GADL1: variants seen among roughly 807,000 people sequenced by gnomAD.
The protein encoded by GADL1 is GAD like acidic amino acid decarboxylase 1.
A neutral mutation model predicts 69.5 loss-of-function variants in GADL1; 71 were observed. The ratio of observed to expected loss-of-function variants is 1.02; its 90% confidence interval spans 0.84 to 1.25. The LOEUF is 1.25. GADL1 is among the 50% of genes most tolerant of loss of function. The probability of loss-of-function intolerance (pLI) is 0.00; values close to 1 mark genes in which losing one functional copy is unlikely to be tolerated. For synonymous variants in GADL1, 254 were observed against 214.4 expected, an observed-to-expected ratio of 1.18 and a Z score of -1.62; for missense variants, 737 against 631.8, an observed-to-expected ratio of 1.17 and a Z score of -1.79.
At chr3:30,825,910 G>GC (rs1374393424) in intron 11 of GADL1, among the ~76,000 whole-genome samples, 1 of 151,892 alleles carries the variant, frequency 6.6e-6, no homozygotes, top group Non-Finnish European at 1.5e-5. Context: ...TGCATGCTTA[G>GC]CACATGTATC....
intron 14 of GADL1, among the ~76,000 whole-genome samples, chr3:30,759,961 C>T (rs747196264): frequency 1.3e-4 from 20 of 152,190 alleles, no homozygotes; most frequent in Non-Finnish European, 2.4e-4. Flanking sequence ...GAAAGATTCA[C>T]GGAGCCACAG....
intron 3 of GADL1, among the ~76,000 whole-genome samples, chr3:30,855,282 C>T (rs1382091405): frequency 2.0e-5 from 3 of 152,022 alleles, no homozygotes; most frequent in South Asian, 2.1e-4. Context: ...GATTTACTTG[C>T]TCCTCTTTTT....
intron 1 of GADL1, among the ~76,000 whole-genome samples, 172 bp downstream of exon 1, chr3:30,894,406 C>T (rs1023739667): frequency 7.9e-5 from 12 of 152,196 alleles, no homozygotes; most frequent in African/African-American, 2.7e-4. Context: ...AAATAATAAC[C>T]TTTTAGGTAC....
At chr3:30,774,659 C>T (rs868529507) in intron 14 of GADL1, among the ~76,000 whole-genome samples, 2 of 152,096 alleles carry the variant, frequency 1.3e-5, no homozygotes, top group Non-Finnish European at 2.9e-5. Flanking sequence ...TAAACTTTCT[C>T]TTTCATATTG....
In GADL1 at chr3:30,816,537, T is replaced by TAA. The variant is rs1559507842; in HGVS notation, c.1051-15450_1051-15449insTT. On this transcript the variant is annotated intron_variant, in intron 11 of 14. Transcript: ENST00000282538. ...ATATTCTTAATTTGTTTTCTTTTTT[T>TAA]TTTTTTTTTTTTTTTTTTTTTTTTT... Among the ~76,000 whole-genome samples, 101 of 52,544 alleles carry TAA rather than the reference T, an allele frequency of 1.9e-3. 4 individuals are homozygous for TAA. The highest frequency in any genetic ancestry group is 7.8e-3 in the African/African-American group (85 of 10,926). The allele number at this position is 52,544 out of a possible 152,430, so 34.5% of individuals were successfully genotyped here. A position where few individuals can be genotyped will look rare whatever the true frequency, so the allele number is the denominator to read the frequency against.
intron 14 of GADL1, among the ~76,000 whole-genome samples, chr3:30,733,586 C>CTCCTTCCT (rs60344210): frequency 0.11 from 14,047 of 133,392 alleles, 847 homozygotes; most frequent in East Asian, 0.11. Flanking sequence ...TTTTCCTTTT[C>CTCCTTCCT]TCCTTCCTTC....
intron 4 of GADL1, among the ~76,000 whole-genome samples, chr3:30,853,828 C>T (rs1045966282): frequency 1.3e-5 from 2 of 152,114 alleles, no homozygotes; most frequent in Non-Finnish European, 2.9e-5. Flanking sequence ...CCTCTCTCAC[C>T]CGACTAAAGT....
chr3:30,879,493 T>G (rs1345302173), intron 1 of GADL1, among the ~76,000 whole-genome samples: 14 of 151,896 alleles, frequency 9.2e-5, no homozygotes, highest in African/African-American at 3.4e-4. Context: ...TTGGCTTTGA[T>G]AAGTCTGCAA....
chr3:30,853,779 C>T (rs558567270), intron 4 of GADL1, among the ~76,000 whole-genome samples: 39 of 152,162 alleles, frequency 2.6e-4, no homozygotes, highest in African/African-American at 8.4e-4. Flanking sequence ...TTCTTTCCCG[C>T]TCTATTCCTA....
chr3:30,893,135 C>T (rs1488580238), intron 1 of GADL1, among the ~76,000 whole-genome samples: 2 of 152,228 alleles, frequency 1.3e-5, no homozygotes, highest in Non-Finnish European at 1.5e-5. Context: ...GGATTATAGG[C>T]GTGAGCCATC....
intron 1 of GADL1, among the ~76,000 whole-genome samples, chr3:30,874,238 T>G (rs762245051): frequency 2.0e-5 from 3 of 151,946 alleles, no homozygotes; most frequent in Non-Finnish European, 4.4e-5. Flanking sequence ...AAATTGTAGC[T>G]TCCTGGGAGT....
intron 14 of GADL1, among the ~76,000 whole-genome samples, chr3:30,754,100 G>T (rs1403211305): frequency 6.6e-6 from 1 of 152,178 alleles, no homozygotes; most frequent in Non-Finnish European, 1.5e-5. Flanking sequence ...CTGAAAAAGC[G>T]TCTGATTGCT....
intron 9 of GADL1, among the ~76,000 whole-genome samples, chr3:30,834,949 T>C (rs527375331): frequency 2.1e-3 from 314 of 152,214 alleles, no homozygotes; most frequent in Admixed American, 3.7e-3. Context: ...CAAAAGTCAG[T>C]ATGCTTCTTG....
intron 1 of GADL1, among the ~76,000 whole-genome samples, chr3:30,870,275 C>T (rs948226628): frequency 6.6e-6 from 1 of 151,726 alleles, no homozygotes; most frequent in African/African-American, 2.4e-5. Context: ...AAAAATGTTT[C>T]TGAACAGAAG....
intron 13 of GADL1, among the ~76,000 whole-genome samples, chr3:30,780,420 G>A (rs890136367): frequency 2.0e-5 from 3 of 152,134 alleles, no homozygotes; most frequent in East Asian, 3.9e-4. Flanking sequence ...GCCAGGTGTG[G>A]TGGCTGCTCT....
intron 1 of GADL1, among the ~76,000 whole-genome samples, chr3:30,863,754 T>C (rs1698356172): frequency 1.3e-5 from 2 of 151,994 alleles, no homozygotes; most frequent in African/African-American, 2.4e-5. Context: ...ACACTTCTAC[T>C]CTTAGTGAGG....
At chr3:30,855,103 T>C (rs1698207128) in intron 3 of GADL1, among the ~76,000 whole-genome samples, 1 of 152,108 alleles carries the variant, frequency 6.6e-6, no homozygotes, top group Non-Finnish European at 1.5e-5. Flanking sequence ...AAATTCATCA[T>C]GCCGAGCAAT....
intron 11 of GADL1, among the ~76,000 whole-genome samples, chr3:30,818,374 A>T (rs1421907971): frequency 6.6e-6 from 1 of 152,192 alleles, no homozygotes; most frequent in Admixed American, 6.5e-5. Flanking sequence ...TCTTTAAAAC[A>T]TTTCTGATTT....
At chr3:30,819,519 A>G (rs945355148) in intron 11 of GADL1, among the ~76,000 whole-genome samples, 30 of 152,130 alleles carry the variant, frequency 2.0e-4, no homozygotes, top group Admixed American at 1.3e-3. Flanking sequence ...GTAAACTAAC[A>G]TGGTTATTAC....
Sources: gnomAD v4.1 joint callset for allele counts (sites outside exome capture counted in the v4.1 genomes callset) on GRCh38, gnomAD v4.1.1 for gene constraint, MANE v1.5 for transcripts, NCBI Gene and HGNC (gene_info 2026-07-23, HGNC 2026-07-21) for gene names.